STK3: variants seen among roughly 807,000 people sequenced by gnomAD.
STK3 encodes serine/threonine kinase 3.
A neutral mutation model predicts 58.0 loss-of-function variants in STK3; 41 were observed. That is an observed-to-expected ratio of 0.71 (90% CI 0.55 to 0.92). The LOEUF is 0.92. Ranked by LOEUF, STK3 falls within the 40% of genes least tolerant of loss-of-function variation. STK3 has a pLI of 0.00. For missense variants in STK3, 479 were observed against 602.7 expected (o/e 0.79, Z 2.15); for synonymous variants, 170 against 191.0 (o/e 0.89, Z 0.91).
chr8:98,904,713 A>G, intron 1 of STK3: 1 of 814,154 alleles, frequency 1.2e-6, no homozygotes, highest in South Asian at 1.3e-5. Flanking sequence ...TCTGGCCCAT[A>G]ACCGTAGCCC....
chr8:98,696,753 T>G (rs1448003178), intron 6 of STK3, among the ~76,000 whole-genome samples: 58 of 152,112 alleles, frequency 3.8e-4, no homozygotes, highest in South Asian at 4.2e-4. Flanking sequence ...GCTGGATTCG[T>G]TTTGCCAGTA....
intron 6 of STK3, among the ~76,000 whole-genome samples, chr8:98,636,946 T>C (rs1480835610): frequency 6.6e-6 from 1 of 152,118 alleles, no homozygotes; most frequent in African/African-American, 2.4e-5. Flanking sequence ...TAAAATAATA[T>C]GCCAAGTTCC....
chr8:98,600,133 A>G (rs190037795), intron 6 of STK3, among the ~76,000 whole-genome samples: 1 of 152,328 alleles, frequency 6.6e-6, no homozygotes, highest in East Asian at 1.9e-4. Flanking sequence ...ACATGAACTC[A>G]CAATTCACTC....
intron 4 of STK3, among the ~76,000 whole-genome samples, chr8:98,744,033 A>G (rs987933530): frequency 6.6e-6 from 1 of 152,032 alleles, no homozygotes; most frequent in African/African-American, 2.4e-5. Flanking sequence ...ACAATGAGAT[A>G]CCATCTCACA....
intron 9 of STK3, among the ~76,000 whole-genome samples, chr8:98,534,295 A>T (rs1383093242): frequency 2.0e-5 from 3 of 152,238 alleles, no homozygotes; most frequent in Non-Finnish European, 4.4e-5. Context: ...ATATTGAGAC[A>T]TTCTATGAAA....
intron 10 of STK3, among the ~76,000 whole-genome samples, chr8:98,510,288 A>G (rs1292416124): frequency 2.0e-5 from 3 of 152,052 alleles, no homozygotes; most frequent in Middle Eastern, 3.2e-3. Flanking sequence ...CAAATATGCA[A>G]GTCCTATTTT....
intron 6 of STK3, among the ~76,000 whole-genome samples, chr8:98,607,097 T>C (rs1394925166): frequency 6.6e-6 from 1 of 152,220 alleles, no homozygotes; most frequent in East Asian, 1.9e-4. Flanking sequence ...AATACTGTAA[T>C]TCAGGTGGTA....
intron 4 of STK3, among the ~76,000 whole-genome samples, chr8:98,745,188 T>A (rs1587496469): frequency 6.6e-6 from 1 of 152,172 alleles, no homozygotes; most frequent in Non-Finnish European, 1.5e-5. Flanking sequence ...CCAAAAAAGC[T>A]TGCTATATAA....
At chr8:98,504,067 C>A (rs1294613796) in intron 10 of STK3, among the ~76,000 whole-genome samples, 1 of 152,112 alleles carries the variant, frequency 6.6e-6, no homozygotes, top group Non-Finnish European at 1.5e-5. Flanking sequence ...AATCTAGGTG[C>A]CCCTGCATTG....
chr8:98,541,612 A>C (rs10108828), intron 9 of STK3, among the ~76,000 whole-genome samples: 2 of 151,958 alleles, frequency 1.3e-5, no homozygotes, highest in Non-Finnish European at 2.9e-5. Flanking sequence ...CCTGGAGTAG[A>C]TTCTGTTTCC....
At chr8:98,586,348 A>C (rs1467173510) in intron 7 of STK3, among the ~76,000 whole-genome samples, 1 of 152,044 alleles carries the variant, frequency 6.6e-6, no homozygotes, top group Admixed American at 6.5e-5. Flanking sequence ...GCATCTAATG[A>C]GATAATCATG....
intron 3 of STK3, among the ~76,000 whole-genome samples, chr8:98,425,786 T>C (rs1219629952): frequency 6.6e-6 from 1 of 152,104 alleles, no homozygotes; most frequent in African/African-American, 2.4e-5. Flanking sequence ...TTGCCAGGAT[T>C]GCGTAAAGAA....
At chr8:98,778,009 G>A (rs1343061640) in intron 1 of STK3, among the ~76,000 whole-genome samples, 42 of 152,174 alleles carry the variant, frequency 2.8e-4, no homozygotes, top group East Asian at 3.9e-4. Context: ...CAATGGCAAC[G>A]AAAGCCAAAA....
downstream of STK3, chr8:98,880,454 G>A (rs968413750): frequency 5.9e-5 from 9 of 152,190 alleles, no homozygotes; most frequent in African/African-American, 2.2e-4. Context: ...AATAGAATGT[G>A]TGACTAAACT....
intron 2 of STK3, among the ~76,000 whole-genome samples, chr8:98,774,463 C>T (rs1390020339): frequency 1.3e-5 from 2 of 152,092 alleles, no homozygotes; most frequent in Admixed American, 6.5e-5. Context: ...ATAAGAATGC[C>T]GTAAGGGATG....
chr8:98,556,641 G>C (rs1360208637), intron 8 of STK3, among the ~76,000 whole-genome samples: 1 of 151,998 alleles, frequency 6.6e-6, no homozygotes, highest in East Asian at 1.9e-4. Context: ...TCAACACTGG[G>C]AGCCCAGCAT....
chr8:98,524,825 C>T (rs1482069539), intron 10 of STK3, among the ~76,000 whole-genome samples: 1 of 152,154 alleles, frequency 6.6e-6, no homozygotes, highest in African/African-American at 2.4e-5. Flanking sequence ...ACTGCAGTCA[C>T]TTAAGAAACC....
chr8:98,902,462 C>T (rs577881240), intron 1 of STK3, among the ~76,000 whole-genome samples: 3 of 152,180 alleles, frequency 2.0e-5, no homozygotes, highest in South Asian at 2.1e-4. Flanking sequence ...TAAATCTCAG[C>T]GATTCCTATC....
chr8:98,691,447 T>C (rs1341298667), intron 6 of STK3, among the ~76,000 whole-genome samples: 1 of 152,028 alleles, frequency 6.6e-6, no homozygotes. Context: ...CTCAATATAG[T>C]GATTACAAAG....
Sources: allele counts gnomAD v4.1 joint callset (sites outside exome capture counted in the v4.1 genomes callset), GRCh38; gene constraint gnomAD v4.1.1; transcripts MANE v1.5; gene names NCBI Gene and HGNC (gene_info 2026-07-23, HGNC 2026-07-21).